Variants in MITF observed in about 807,000 individuals in gnomAD.
The protein encoded by MITF is microphthalmia-associated transcription factor.
A neutral mutation model predicts 60.5 loss-of-function variants in MITF; 17 were observed. The observed-to-expected ratio is 0.28, with a 90% CI of 0.19 to 0.42. The LOEUF is 0.42. MITF is among the 10% of genes least tolerant of loss of function. The pLI, the probability that MITF is intolerant of heterozygous loss-of-function variation, is 1.00. For missense variants in MITF, 622 were observed against 683.5 expected (o/e 0.91, Z 1.00); for synonymous variants, 260 against 248.5 (o/e 1.05, Z -0.43).
chr3:69,758,452 T>G (rs1376388932), intron 1 of MITF, among the ~76,000 whole-genome samples: 2 of 152,172 alleles, frequency 1.3e-5, no homozygotes. Context: ...ATTACAGATG[T>G]GAGCCTCTGT....
At chr3:69,961,317 G>A (rs1366072829) in intron 9 of MITF, among the ~76,000 whole-genome samples, 2 of 151,710 alleles carry the variant, frequency 1.3e-5, no homozygotes, top group Non-Finnish European at 2.9e-5. Context: ...GGGAGGCAGA[G>A]GTTGCAGTGA....
intron 7 of MITF, among the ~76,000 whole-genome samples, chr3:69,952,749 A>T (rs1243380764): frequency 4.6e-5 from 7 of 152,172 alleles, no homozygotes; most frequent in Admixed American, 4.6e-4. Context: ...AAAATAAATC[A>T]TATGGATTTC....
intron 1 of MITF, among the ~76,000 whole-genome samples, chr3:69,776,631 C>T (rs934322170): frequency 6.6e-6 from 1 of 152,144 alleles, no homozygotes; most frequent in Non-Finnish European, 1.5e-5. Flanking sequence ...GACAGTTAGT[C>T]TGCAAGTTCT....
chr3:69,957,951 C>T lies in MITF; in HGVS notation c.1032-1322C>T, dbSNP rs367744717. 3.4e-4 allele frequency among the ~76,000 whole-genome samples: 51 copies of T among 152,230 alleles called. 1 individual carries two copies. In the East Asian group the frequency reaches 8.3e-3, roughly 25 times the overall value. On this transcript the variant is annotated intron_variant, in intron 8 of 9. Coordinates refer to ENST00000352241, the MANE Select transcript of MITF (RefSeq NM_001354604.2). The stretch of plus-strand genomic sequence containing the variant: ...AGTCTTACAGACTGGGGTCTCAGCC[C>T]GGTACCTTTTCTCCCACCAGAGCAA...
intron 1 of MITF, chr3:69,763,652 C>A: frequency 8.0e-7 from 1 of 1,251,856 alleles, no homozygotes; most frequent in Non-Finnish European, 1.0e-6. Flanking sequence ...TGAGACGGTT[C>A]AGTGGACTCA....
intron 1 of MITF, among the ~76,000 whole-genome samples, chr3:69,772,470 G>A (rs2062408677): frequency 1.3e-5 from 2 of 152,174 alleles, no homozygotes; most frequent in East Asian, 1.9e-4. Context: ...AAGCTGAGGG[G>A]CACAGGGAAG....
chr3:69,868,474 T>A (rs919995496), intron 1 of MITF, among the ~76,000 whole-genome samples: 1 of 152,116 alleles, frequency 6.6e-6, no homozygotes, highest in African/African-American at 2.4e-5. Context: ...ATCTAGTGGG[T>A]TTCTCCTATC....
At chr3:69,801,301 A>G (rs1452037191) in intron 1 of MITF, among the ~76,000 whole-genome samples, 1 of 152,164 alleles carries the variant, frequency 6.6e-6, no homozygotes, top group African/African-American at 2.4e-5. Context: ...GTAATTTAGT[A>G]CTGAAAAAAA....
At chr3:69,775,723 G>A (rs529104618) in intron 1 of MITF, among the ~76,000 whole-genome samples, 5 of 152,112 alleles carry the variant, frequency 3.3e-5, no homozygotes, top group South Asian at 2.1e-4. Flanking sequence ...CTTTTTTGGA[G>A]GGATTTGTTT....
At chr3:69,922,140 G>A (rs1170205413) in intron 2 of MITF, among the ~76,000 whole-genome samples, 1 of 152,166 alleles carries the variant, frequency 6.6e-6, no homozygotes, top group Admixed American at 6.5e-5. Context: ...CTTGATGATA[G>A]AAATGAAGTA....
chr3:69,805,344 C>T (rs1343673879), intron 1 of MITF, among the ~76,000 whole-genome samples: 1 of 152,162 alleles, frequency 6.6e-6, no homozygotes, highest in Non-Finnish European at 1.5e-5. Flanking sequence ...AGGTATTCCA[C>T]ACCTCAGAAT....
At chr3:69,912,515 T>A (rs2065246352) in intron 2 of MITF, among the ~76,000 whole-genome samples, 2 of 152,248 alleles carry the variant, frequency 1.3e-5, no homozygotes, top group Admixed American at 1.3e-4. Flanking sequence ...TGCTTGCACA[T>A]GTTCTAGTCA....
At chr3:69,913,747 C>T (rs1022409714) in intron 2 of MITF, among the ~76,000 whole-genome samples, 3 of 152,150 alleles carry the variant, frequency 2.0e-5, no homozygotes. Context: ...TTACATCATC[C>T]TAACGAACGT....
chr3:69,799,614 C>T (rs2062885314), intron 1 of MITF, among the ~76,000 whole-genome samples: 1 of 146,132 alleles, frequency 6.8e-6, no homozygotes, highest in Non-Finnish European at 1.5e-5. Context: ...AGGACAAATG[C>T]CCCCTCCCTT....
chr3:69,936,777 A>T (rs751859368), intron 2 of MITF: 1 of 1,607,116 alleles, frequency 6.2e-7, no homozygotes, highest in African/African-American at 1.3e-5. Flanking sequence ...TCTGACTCAT[A>T]TTCAGTCTTT....
intron 1 of MITF, among the ~76,000 whole-genome samples, chr3:69,861,370 C>A (rs2064013800): frequency 6.6e-6 from 1 of 151,966 alleles, no homozygotes; most frequent in Admixed American, 6.6e-5. Context: ...GAACACAGGA[C>A]AAATAGATAA....
chr3:69,965,409 T>C lies in MITF; in HGVS notation c.*161T>C. 1 of 702,744 alleles carries C rather than the reference T, an allele frequency of 1.4e-6. No individual in the cohort carries two copies. Among genetic ancestry groups the C allele is most frequent in the Non-Finnish European group, 2.3e-6 (1 of 433,346 alleles). 43.5% of individuals were successfully genotyped at this position (702,744 alleles called of 1,614,324 possible). A position where few individuals can be genotyped will look rare whatever the true frequency, so the allele number is the denominator to read the frequency against. On this transcript the variant is annotated 3_prime_UTR_variant, in exon 10 of 10. Transcript: ENST00000352241. Reference sequence around the variant, plus strand: ...GATATATTTTATTTTTAGAATTTTGTGAAACAGACTTGTATATTCTATTTT... The same window carrying C: ...GATATATTTTATTTTTAGAATTTTGCGAAACAGACTTGTATATTCTATTTT...
chr3:69,776,005 G>A (rs1245716937), intron 1 of MITF, among the ~76,000 whole-genome samples: 2 of 152,222 alleles, frequency 1.3e-5, no homozygotes, highest in Admixed American at 6.5e-5. Flanking sequence ...TAGCTCAAAG[G>A]TATCTATGAA....
At chr3:69,746,509 T>G (rs2315497) in intron 1 of MITF, among the ~76,000 whole-genome samples, 34,332 of 152,016 alleles carry the variant, frequency 0.23, 4,278 homozygotes, top group East Asian at 0.56. Flanking sequence ...AGTTTCATTT[T>G]TTTTGTGTGT....
Sources: allele counts gnomAD v4.1 joint callset (sites outside exome capture counted in the v4.1 genomes callset), GRCh38; gene constraint gnomAD v4.1.1; transcripts MANE v1.5; gene names NCBI Gene and HGNC (gene_info 2026-07-23, HGNC 2026-07-21).